Variants in SEMA3A observed in about 807,000 individuals in gnomAD.
SEMA3A encodes semaphorin 3A.
A neutral mutation model predicts 97.9 loss-of-function variants in SEMA3A; 29 were observed. The observed-to-expected ratio is 0.30, with a 90% CI of 0.22 to 0.40. The LOEUF (loss-of-function observed/expected upper bound fraction) is 0.40. Ranked by LOEUF, SEMA3A falls within the 10% of genes least tolerant of loss-of-function variation. The pLI, the probability that SEMA3A is intolerant of heterozygous loss-of-function variation, is 1.00. For synonymous variants in SEMA3A, 321 were observed against 323.7 expected (o/e 0.99, Z 0.09); for missense variants, 763 against 951.3 (o/e 0.80, Z 2.60).
chr7:84,284,405 T>C (rs1800529119), intron 3 of SEMA3A, among the ~76,000 whole-genome samples: 1 of 152,156 alleles, frequency 6.6e-6, no homozygotes, highest in Admixed American at 6.6e-5. Context: ...CAAAGTTGAC[T>C]TTGAAATACT....
chr7:84,014,106 T>A, intron 7 of SEMA3A, 103 bp downstream of exon 7: 1 of 905,850 alleles, frequency 1.1e-6, no homozygotes, highest in Non-Finnish European at 1.7e-6. Flanking sequence ...AGTCAAGCTT[T>A]AGCCATAATT....
At chr7:84,196,377 CTCTCTG>C (rs1324875893), upstream of SEMA3A, among the ~76,000 whole-genome samples, 122 of 152,180 alleles carry the variant, frequency 8.0e-4, no homozygotes, top group Admixed American at 3.5e-3. Context: ...CTCTCTCTCT[CTCTCTG>C]TCTCTCCCTC....
chr7:83,975,021 T>C (rs1789087783), intron 15 of SEMA3A, among the ~76,000 whole-genome samples: 1 of 152,216 alleles, frequency 6.6e-6, no homozygotes, highest in Non-Finnish European at 1.5e-5. Context: ...TTACTTCTTA[T>C]GGCTAAGCCA....
rs147638628 is a variant in SEMA3A at position 84,120,515 on chromosome 7, C to A, written c.333+8608G>T. Among the ~76,000 whole-genome samples, 470 of 152,252 alleles carry A rather than the reference C, an allele frequency of 3.1e-3. 5 individuals carry two copies. Among genetic ancestry groups the A allele is most frequent in the African/African-American group, 0.011 (449 of 41,548 alleles). ...ACAGTTAAACTGTAATTATTCAGTT[C>A]AGTGTACCAGATATTTACCCACAAA... On this transcript the variant is annotated intron_variant, in intron 3 of 16. Coordinates refer to ENST00000265362, the MANE Select transcript of SEMA3A (RefSeq NM_006080.3).
intron 1 of SEMA3A, among the ~76,000 whole-genome samples, chr7:84,183,807 A>G (rs1797800283): frequency 6.6e-6 from 1 of 152,170 alleles, no homozygotes; most frequent in African/African-American, 2.4e-5. Context: ...AGAACACTAA[A>G]TGGTATAAAA....
chr7:84,155,892 A>G (rs932742839), intron 1 of SEMA3A, among the ~76,000 whole-genome samples: 1 of 152,134 alleles, frequency 6.6e-6, no homozygotes, highest in Admixed American at 6.5e-5. Flanking sequence ...TAACCCTATG[A>G]TAGATTTATG....
chr7:83,990,536 T>C (rs937921604), intron 12 of SEMA3A, among the ~76,000 whole-genome samples: 1 of 140,244 alleles, frequency 7.1e-6, no homozygotes, highest in Non-Finnish European at 1.6e-5. Flanking sequence ...TTTCTACATA[T>C]GGCTAGCCAG....
At chr7:84,491,685 C>G (rs1421704068) in intron 1 of SEMA3A, among the ~76,000 whole-genome samples, 1 of 152,126 alleles carries the variant, frequency 6.6e-6, no homozygotes, top group African/African-American at 2.4e-5. Flanking sequence ...CAAGGTTGTA[C>G]TTAGATCAAA....
At chr7:84,436,750 A>G (rs1293666406) in intron 1 of SEMA3A, among the ~76,000 whole-genome samples, 1 of 152,102 alleles carries the variant, frequency 6.6e-6, no homozygotes, top group Non-Finnish European at 1.5e-5. Flanking sequence ...GGTAAGTCTG[A>G]ACATAGATTG....
At chr7:84,214,765 T>C (rs1332021902) in intron 3 of SEMA3A, among the ~76,000 whole-genome samples, 3 of 150,786 alleles carry the variant, frequency 2.0e-5, no homozygotes, top group East Asian at 2.0e-4. Flanking sequence ...GTGGTGTGAT[T>C]TGGGCTCACT....
intron 2 of SEMA3A, among the ~76,000 whole-genome samples, chr7:84,342,132 T>C (rs1255913202): frequency 2.0e-5 from 3 of 152,116 alleles, no homozygotes; most frequent in Non-Finnish European, 4.4e-5. Context: ...GCCTCCTGGA[T>C]TCAAGTGATT....
chr7:84,349,377 A>C (rs1802381584), intron 2 of SEMA3A, among the ~76,000 whole-genome samples: 1 of 152,166 alleles, frequency 6.6e-6, no homozygotes, highest in Non-Finnish European at 1.5e-5. Context: ...TAGGGATTCA[A>C]ATGAATTGCT....
At chr7:83,980,619 A>T (rs1202624634) in intron 14 of SEMA3A, among the ~76,000 whole-genome samples, 5,238 of 79,088 alleles carry the variant, frequency 0.066, 139 homozygotes, top group East Asian at 0.12. Context: ...AAAAAAAAAA[A>T]AAAAATATAT....
At chr7:84,240,180 T>G (rs1455755868) in intron 3 of SEMA3A, among the ~76,000 whole-genome samples, 9 of 152,144 alleles carry the variant, frequency 5.9e-5, no homozygotes, top group Admixed American at 2.0e-4. Flanking sequence ...GAGAGATTTA[T>G]AAGAAGTCTT....
chr7:83,987,409 T>C (rs1789681878), intron 12 of SEMA3A, among the ~76,000 whole-genome samples: 1 of 152,050 alleles, frequency 6.6e-6, no homozygotes, highest in Admixed American at 6.6e-5. Flanking sequence ...TCTCAGGGGG[T>C]TCAATCTCCC....
chr7:84,172,305 C>T (rs1797406764), intron 1 of SEMA3A, among the ~76,000 whole-genome samples: 1 of 152,060 alleles, frequency 6.6e-6, no homozygotes, highest in Non-Finnish European at 1.5e-5. Context: ...GAAACATTGC[C>T]CTACATCTTT....
intron 15 of SEMA3A, among the ~76,000 whole-genome samples, 182 bp from the exon 16 acceptor site, chr7:83,963,529 G>A (rs113253368): frequency 9.2e-5 from 14 of 152,244 alleles, no homozygotes; most frequent in African/African-American, 2.9e-4. Context: ...TACCTAAATC[G>A]ACTAATCATT....
intron 1 of SEMA3A, among the ~76,000 whole-genome samples, chr7:84,181,742 C>T (rs769006523): frequency 6.6e-6 from 1 of 151,920 alleles, no homozygotes; most frequent in Admixed American, 6.6e-5. Context: ...AATTTATAAC[C>T]GCAGACAGTC....
intron 2 of SEMA3A, among the ~76,000 whole-genome samples, chr7:84,364,405 T>A (rs1365215862): frequency 6.6e-6 from 1 of 151,794 alleles, no homozygotes; most frequent in African/African-American, 2.4e-5. Flanking sequence ...AGTATTTACT[T>A]CTTAATTCAA....
Sources: gnomAD v4.1 joint callset for allele counts (sites outside exome capture counted in the v4.1 genomes callset) on GRCh38, gnomAD v4.1.1 for gene constraint, MANE v1.5 for transcripts, NCBI Gene and HGNC (gene_info 2026-07-23, HGNC 2026-07-21) for gene names.